ZNF385A: variants seen among roughly 807,000 people sequenced by gnomAD.
ZNF385A encodes hematopoietic zinc finger protein.
ZNF385A carries 14 observed loss-of-function variants against 32.1 expected under a neutral mutation model. That is an observed-to-expected ratio of 0.44 (90% confidence interval 0.29 to 0.68). The LOEUF is 0.68. ZNF385A is among the 30% of genes least tolerant of loss of function. The probability of loss-of-function intolerance (pLI) is 0.14; values close to 1 mark genes in which losing one functional copy is unlikely to be tolerated. For missense variants in ZNF385A, 406 were observed against 478.4 expected (o/e 0.85, Z 1.41); for synonymous variants, 197 against 202.7 (o/e 0.97, Z 0.24).
chr12:54,376,236 C>G (rs1954844563), intron 1 of ZNF385A, among the ~76,000 whole-genome samples: 1 of 152,166 alleles, frequency 6.6e-6, no homozygotes, highest in Non-Finnish European at 1.5e-5. Flanking sequence ...GTATCTGAAC[C>G]TGGATTCCTG....
Position 54,374,141 on chromosome 12 carries a change from G to A in ZNF385A, c.199-6C>T. 1 of 1,492,706 alleles carries A rather than the reference G, an allele frequency of 6.7e-7. No homozygotes were observed. The highest frequency in any genetic ancestry group is 9.0e-7 in the Non-Finnish European group (1 of 1,111,136). 92.5% of individuals were successfully genotyped at this position (1,492,706 alleles called of 1,614,324 possible). On this transcript the variant is annotated splice_polypyrimidine_tract_variant and splice_region_variant and intron_variant, in intron 2 of 6. Transcript: ENST00000394313. ...TAGTGCGCCTCAGCCTGGCTCTTTA[G>A]GGATGGAGGAAGAAAATGGAATCTG...
At chr12:54,382,402 A>G (rs961947753) in intron 1 of ZNF385A, among the ~76,000 whole-genome samples, 3 of 152,092 alleles carry the variant, frequency 2.0e-5, no homozygotes, top group Non-Finnish European at 4.4e-5. Context: ...GTGCAATGCA[A>G]ATGTGTGTCT....
At chr12:54,385,852 G>C (rs1262064141), upstream of ZNF385A, 3 of 161,382 alleles carry the variant, frequency 1.9e-5, no homozygotes, top group Non-Finnish European at 2.6e-5. Flanking sequence ...GTGGGGCAGA[G>C]GGGAGGGCAG....
chr12:54,375,056 C>T (rs1954769645), intron 2 of ZNF385A, among the ~76,000 whole-genome samples: 2 of 138,868 alleles, frequency 1.4e-5, no homozygotes, highest in Non-Finnish European at 3.3e-5. Context: ...GTGCAGAGCC[C>T]AGTAGTATGG....
Position 54,370,142 on chromosome 12 carries a change from G to T in ZNF385A, c.*114C>A. ...TGGAACCCCGTATCTCGGGGTGGGG[G>T]GGGGGAAGGAGAGATCATTTAGGGA... is the stretch of plus-strand genomic sequence containing the variant. On this transcript the variant is annotated 3_prime_UTR_variant, in exon 7 of 7. Coordinates refer to ENST00000394313, the MANE Select transcript of ZNF385A (RefSeq NM_015481.3). The surrounding 1 kb of genome is among the most constrained non-coding windows in gnomAD (Gnocchi z 5.5). The T allele has an allele frequency of 6.3e-6, 5 of 795,058 alleles. No individual in the cohort carries two copies. The highest frequency in any genetic ancestry group is 6.6e-5 in the East Asian group (2 of 30,240). 49.3% of individuals were successfully genotyped at this position (795,058 alleles called of 1,614,324 possible).
intron 3 of ZNF385A, among the ~76,000 whole-genome samples, chr12:54,371,939 T>C (rs1954575729): frequency 6.6e-6 from 1 of 152,204 alleles, no homozygotes; most frequent in Admixed American, 6.5e-5. Context: ...TAGCTGGGAA[T>C]GGCCAAGGGG....
At chr12:54,371,796 T>A in intron 3 of ZNF385A, 81 bp from the exon 4 acceptor site, 1 of 1,580,372 alleles carries the variant, frequency 6.3e-7, no homozygotes, top group East Asian at 2.2e-5. Flanking sequence ...CCCCCCCCAT[T>A]TCCTGGAGGG....
At chr12:54,379,661 A>G (rs915392460) in intron 1 of ZNF385A, among the ~76,000 whole-genome samples, 2 of 152,056 alleles carry the variant, frequency 1.3e-5, no homozygotes, top group Non-Finnish European at 2.9e-5. Context: ...GAACCCGGGT[A>G]CCCAGGTGTC....
intron 1 of ZNF385A, among the ~76,000 whole-genome samples, chr12:54,381,667 G>A (rs2137264724): frequency 6.6e-6 from 1 of 152,270 alleles, no homozygotes; most frequent in South Asian, 2.1e-4. Flanking sequence ...TTTCTCAAAT[G>A]CTCCTTTCTA....
In ZNF385A at chr12:54,370,615, C is replaced by G. The variant is rs1371984292; in HGVS notation, c.870+11G>C. On this transcript the variant is annotated intron_variant, in intron 6 of 6. Coordinates refer to ENST00000394313, the MANE Select transcript of ZNF385A (RefSeq NM_015481.3). This position sits in a 1 kb window ranked among gnomAD's most constrained non-coding sequence, Gnocchi z 5.5. ...CCTCCCACTGCTGAATTCCCAGCATCCAGGCCTCACCGCCAGCTCCCCGGC... is the reference window on the plus strand; with the variant it reads ...CCTCCCACTGCTGAATTCCCAGCATGCAGGCCTCACCGCCAGCTCCCCGGC... 5.7e-6 allele frequency: 9 copies of G among 1,592,080 alleles called. No homozygotes were observed. The highest frequency in any genetic ancestry group is 6.8e-6 in the Non-Finnish European group (8 of 1,169,308).
At chr12:54,375,801 C>A in intron 2 of ZNF385A, 43 bp downstream of exon 2, 1 of 1,570,054 alleles carries the variant, frequency 6.4e-7, no homozygotes, top group Non-Finnish European at 8.8e-7. Context: ...CCCCTGCTGC[C>A]CCTGCCCCAC....
chr12:54,389,285 T>C (rs1458373489), upstream of ZNF385A, among the ~76,000 whole-genome samples: 1 of 152,156 alleles, frequency 6.6e-6, no homozygotes, highest in Non-Finnish European at 1.5e-5. Context: ...ACCATGCACA[T>C]GGATTCAGAG....
chr12:54,370,359 G>T lies in ZNF385A; in HGVS notation c.998C>A (p.Ala333Asp). ...CGGCGGTCCCTGGAGAAGAGGTGCG[G>T]CTGGAGCCGGGCGCAGGGACAGCGG... ...GSPLSLRPAP[A>D]APLLQGPPIT... Residue 333 changes from alanine to aspartate, a missense_variant, in exon 7 of 7, where the codon GCC becomes GAC. Transcript: ENST00000394313. The surrounding 1 kb of genome is among the most constrained non-coding windows in gnomAD (Gnocchi z 5.5). 1 of 1,507,944 alleles carries T rather than the reference G, an allele frequency of 6.6e-7. No homozygotes were observed. Among genetic ancestry groups the T allele is most frequent in the Non-Finnish European group, 8.9e-7 (1 of 1,126,802 alleles). The allele number at this position is 1,507,944 out of a possible 1,614,324, so 93.4% of individuals were successfully genotyped here. A position where few individuals can be genotyped will look rare whatever the true frequency, so the allele number is the denominator to read the frequency against.
At chr12:54,384,826 T>A, upstream of ZNF385A, 1 of 1,205,456 alleles carries the variant, frequency 8.3e-7, no homozygotes, top group Middle Eastern at 3.2e-4. Flanking sequence ...CCAAACTCCT[T>A]AGGCACATTA....
chr12:54,372,005 G>A (rs1954579707), intron 3 of ZNF385A, among the ~76,000 whole-genome samples: 1 of 152,208 alleles, frequency 6.6e-6, no homozygotes, highest in South Asian at 2.1e-4. Context: ...CAGCCAGGGG[G>A]AGAGGCATGC....
Position 54,374,099 on chromosome 12 carries a change from C to A in ZNF385A, c.235G>T (p.Ala79Ser), listed in dbSNP as rs758847325. The A allele has an allele frequency of 1.4e-5, 22 of 1,586,296 alleles. No individual in the cohort carries two copies. The South Asian group carries it at 1.7e-4, about 12-fold the overall frequency. Residue 79 changes from alanine to serine, a missense_variant, in exon 3 of 7, where the codon GCC becomes TCC. Coordinates refer to ENST00000394313, the MANE Select transcript of ZNF385A (RefSeq NM_015481.3). ...GCCTCAATGCCTTTGACTCGTCGGGCGTGGCGATTACCTTTGTAGTGCGCC... is the reference window on the plus strand; with the variant it reads ...GCCTCAATGCCTTTGACTCGTCGGGAGTGGCGATTACCTTTGTAGTGCGCC... ...AEAHYKGNRH[A>S]RRVKGIEAAK...
chr12:54,374,226 C>A, intron 2 of ZNF385A, 91 bp from the exon 3 acceptor site: 1 of 1,246,444 alleles, frequency 8.0e-7, no homozygotes. Context: ...GGGGTGATCT[C>A]AGCAGGCTGC....
rs754302434 is a variant in ZNF385A, at chr12:54,384,492, T to C, written c.23A>G (p.Lys8Arg). 2.5e-6 allele frequency: 4 copies of C among 1,579,252 alleles called. No individual in the cohort carries two copies. Among genetic ancestry groups the C allele is most frequent in the African/African-American group, 1.4e-5 (1 of 73,678 alleles). MQPPLDLKQILPFPLEPA... is the reference protein window; with the variant it reads MQPPLDLRQILPFPLEPA... ...CTCGAGTGGGAAGGGCAGGATCTGC[T>C]TGAGGTCCAGTGGGGGCTGCATGAT... Residue 8 changes from lysine (K) to arginine (R), a missense_variant, in exon 1 of 7, where the codon AAG (lysine) becomes AGG (arginine). By Grantham distance (26) the Lys-to-Arg change is conservative (BLOSUM62 2). Coordinates refer to ENST00000394313, the MANE Select transcript of ZNF385A (RefSeq NM_015481.3).
At position 54,384,622 on chromosome 12, in the gene ZNF385A, C is replaced by A; in HGVS notation, c.-108G>T. The A allele has an allele frequency of 7.0e-7, 1 of 1,423,366 alleles. No individual in the cohort carries two copies. The allele number at this position is 1,423,366 out of a possible 1,614,324, so 88.2% of individuals were successfully genotyped here. On this transcript the variant is annotated 5_prime_UTR_variant, in exon 1 of 7. Transcript: ENST00000394313. ...GAAGATTAAAGCTTGGGAACCCCACCCAAGCCTGCCAGTCCCACTCCCTAG... is the reference window on the plus strand; with the variant it reads ...GAAGATTAAAGCTTGGGAACCCCACACAAGCCTGCCAGTCCCACTCCCTAG...
Sources: gnomAD v4.1 joint callset for allele counts (sites outside exome capture counted in the v4.1 genomes callset) on GRCh38, gnomAD v4.1.1 for gene constraint, Gnocchi (gnomAD v3.1) non-coding constraint, MANE v1.5 for transcripts, NCBI Gene and HGNC (gene_info 2026-07-23, HGNC 2026-07-21) for gene names.